The following ZNF532 variants were observed in gnomAD, a reference collection of about 807,000 sequenced individuals.
ZNF532 encodes the protein zinc finger protein 532.
ZNF532 carries 22 observed loss-of-function variants against 89.3 expected under a neutral mutation model. That is an observed-to-expected ratio of 0.25 (90% confidence interval 0.18 to 0.35). ZNF532 has a LOEUF of 0.35. ZNF532 is among the 10% of genes least tolerant of loss of function. The probability of loss-of-function intolerance (pLI) is 1.00; values close to 1 mark genes in which losing one functional copy is unlikely to be tolerated. For missense variants in ZNF532, 1,132 were observed against 1,643.4 expected, an observed-to-expected ratio of 0.69 and a Z score of 5.38; for synonymous variants, 606 against 649.6, an observed-to-expected ratio of 0.93 and a Z score of 1.02.
intron 2 of ZNF532, among the ~76,000 whole-genome samples, chr18:58,915,526 G>C (rs531928527): frequency 1.3e-5 from 2 of 152,158 alleles, no homozygotes; most frequent in Non-Finnish European, 2.9e-5. Flanking sequence ...TCCTCTCTGG[G>C]GCCTTCTAGA....
chr18:58,972,569 G>C (rs143204476), intron 7 of ZNF532, among the ~76,000 whole-genome samples: 1 of 151,922 alleles, frequency 6.6e-6, no homozygotes. Context: ...GGGCCCCTTC[G>C]TCACCCACCC....
At chr18:58,934,324 A>T in intron 3 of ZNF532, 109 bp from the exon 4 acceptor site, 1 of 994,232 alleles carries the variant, frequency 1.0e-6, no homozygotes, top group Non-Finnish European at 1.5e-6. Context: ...CAATTACTGT[A>T]GTGTTTGAAA....
At chr18:58,958,768 A>G (rs932049989) in intron 7 of ZNF532, among the ~76,000 whole-genome samples, 3 of 152,212 alleles carry the variant, frequency 2.0e-5, no homozygotes, top group African/African-American at 7.2e-5. Flanking sequence ...TGTAGTCTCT[A>G]TATTCTCAAC....
intron 7 of ZNF532, among the ~76,000 whole-genome samples, chr18:58,961,574 C>G (rs1386462740): frequency 6.6e-6 from 1 of 152,160 alleles, no homozygotes; most frequent in Non-Finnish European, 1.5e-5. Flanking sequence ...AGTATATTCC[C>G]GCGTGTACCG....
At chr18:58,939,397 G>C in intron 4 of ZNF532, 48 bp from the exon 5 acceptor site, 1 of 1,525,430 alleles carries the variant, frequency 6.6e-7, no homozygotes, top group Non-Finnish European at 8.8e-7. Flanking sequence ...GCAGTTACAC[G>C]TGTGTTATGG....
At chr18:58,981,831 C>T (rs892992816) in intron 9 of ZNF532, among the ~76,000 whole-genome samples, 2 of 151,796 alleles carry the variant, frequency 1.3e-5, no homozygotes, top group Non-Finnish European at 2.9e-5. Context: ...GGTGTAACCT[C>T]ATCTCTACTA....
intron 2 of ZNF532, among the ~76,000 whole-genome samples, chr18:58,877,016 CA>C (rs1440964504): frequency 6.6e-6 from 1 of 151,820 alleles, no homozygotes; most frequent in Non-Finnish European, 1.5e-5. Context: ...GCTAGGATCA[CA>C]CTACTGCACT....
chr18:58,918,714 A>C lies in ZNF532; in HGVS notation c.427A>C (p.Lys143Gln). The C allele has an allele frequency of 6.2e-7, 1 of 1,614,126 alleles. No homozygotes were observed. The highest frequency in any genetic ancestry group is 8.5e-7 in the Non-Finnish European group (1 of 1,180,020). The change falls in exon 3 of 10, where the codon AAG becomes CAG. Residue 143 changes from lysine to glutamine, a missense_variant. Coordinates refer to ENST00000591808, the MANE Select transcript of ZNF532 (RefSeq NM_001375912.1). ...SSAEEFDDDE[K>Q]IEVDDPPDKE... The stretch of plus-strand genomic sequence containing the variant: ...TGCTGAAGAGTTTGATGACGACGAG[A>C]AGATTGAGGTGGATGACCCCCCTGA...
At chr18:58,893,022 C>T (rs1260244956) in intron 2 of ZNF532, among the ~76,000 whole-genome samples, 1 of 147,708 alleles carries the variant, frequency 6.8e-6, no homozygotes, top group Non-Finnish European at 1.5e-5. Flanking sequence ...TGCTCTGTCA[C>T]CCAGGCTGGA....
chr18:58,942,036 C>G (rs1235361196), intron 5 of ZNF532, among the ~76,000 whole-genome samples: 2 of 139,620 alleles, frequency 1.4e-5, no homozygotes, highest in Admixed American at 7.3e-5. Context: ...TTTCTACCCC[C>G]GCCCCCCCCT....
chr18:58,952,342 AATTGTAT>A (rs1239982558), intron 6 of ZNF532, among the ~76,000 whole-genome samples: 1 of 152,190 alleles, frequency 6.6e-6, no homozygotes, highest in Admixed American at 6.5e-5. Flanking sequence ...TTCAAAAATA[AATTGTAT>A]ATTGTATACA....
intron 3 of ZNF532, among the ~76,000 whole-genome samples, chr18:58,928,182 C>T (rs2061678246): frequency 6.6e-6 from 1 of 152,184 alleles, no homozygotes; most frequent in African/African-American, 2.4e-5. Flanking sequence ...GGTCTGTCTG[C>T]CTGTGAGCAC....
At chr18:58,982,591 T>C (rs1270462470) in intron 9 of ZNF532, among the ~76,000 whole-genome samples, 3 of 151,924 alleles carry the variant, frequency 2.0e-5, no homozygotes, top group African/African-American at 4.8e-5. Flanking sequence ...CACTGCACTT[T>C]AGTCTAGGCA....
intron 2 of ZNF532, among the ~76,000 whole-genome samples, chr18:58,888,746 TATATATATA>T (rs2058541343): frequency 2.2e-5 from 1 of 45,664 alleles, no homozygotes; most frequent in Non-Finnish European, 3.3e-5. Flanking sequence ...ATATATTTTA[TATATATATA>T]AAATTAATAT....
intron 6 of ZNF532, chr18:58,953,297 G>A (rs973457079): frequency 4.6e-5 from 20 of 438,850 alleles, no homozygotes; most frequent in African/African-American, 3.8e-4. Flanking sequence ...AAATATATAG[G>A]CCTTTAAAAA....
At chr18:58,891,630 C>T (rs1329362794) in intron 2 of ZNF532, among the ~76,000 whole-genome samples, 4 of 152,178 alleles carry the variant, frequency 2.6e-5, no homozygotes, top group African/African-American at 9.7e-5. Flanking sequence ...AGACTTTTTA[C>T]TGTTAGTGTT....
intron 2 of ZNF532, among the ~76,000 whole-genome samples, chr18:58,904,395 A>G (rs1171504723): frequency 6.6e-6 from 1 of 151,992 alleles, no homozygotes; most frequent in Non-Finnish European, 1.5e-5. Flanking sequence ...GGTAAATTTT[A>G]TGTTTTGTGT....
intron 2 of ZNF532, among the ~76,000 whole-genome samples, chr18:58,875,731 A>G (rs1354612191): frequency 2.6e-5 from 4 of 152,176 alleles, no homozygotes; most frequent in Non-Finnish European, 4.4e-5. Context: ...CAGCTGAAGA[A>G]TGCTCCACTA....
intron 2 of ZNF532, among the ~76,000 whole-genome samples, chr18:58,867,809 G>A (rs1036227440): frequency 6.6e-6 from 1 of 152,198 alleles, no homozygotes; most frequent in Admixed American, 6.5e-5. Flanking sequence ...CCATGTTAAA[G>A]AACACTGGAG....
Sources: gnomAD v4.1 joint callset for allele counts (sites outside exome capture counted in the v4.1 genomes callset) on GRCh38, gnomAD v4.1.1 for gene constraint, MANE v1.5 for transcripts, NCBI Gene and HGNC (gene_info 2026-07-23, HGNC 2026-07-21) for gene names.